The following UROS variants were observed in gnomAD, a reference collection of about 807,000 sequenced individuals.
UROS encodes the protein uroporphyrinogen-III synthase.
A neutral mutation model predicts 33.0 loss-of-function variants in UROS; 18 were observed. That is an observed-to-expected ratio of 0.55 (90% CI 0.38 to 0.81). The LOEUF (loss-of-function observed/expected upper bound fraction) is 0.81, where lower values mean the gene tolerates loss of function less well. Ranked by LOEUF, UROS falls within the 30% of genes least tolerant of loss-of-function variation. The pLI is 0.00. For missense variants in UROS, 293 were observed against 314.9 expected, an observed-to-expected ratio of 0.93 and a Z score of 0.53; for synonymous variants, 114 against 121.1, an observed-to-expected ratio of 0.94 and a Z score of 0.38.
chr10:125,797,362 C>T (rs1321093253), intron 7 of UROS, among the ~76,000 whole-genome samples: 1 of 152,114 alleles, frequency 6.6e-6, no homozygotes, highest in Non-Finnish European at 1.5e-5. Context: ...TACAGATAAC[C>T]ATATTTCACA....
intron 5 of UROS, among the ~76,000 whole-genome samples, chr10:125,811,770 CAA>C (rs1852833282): frequency 6.7e-6 from 1 of 149,512 alleles, no homozygotes; most frequent in South Asian, 2.1e-4. Flanking sequence ...TAAATAGACT[CAA>C]GACTGGAAAA....
intron 6 of UROS, chr10:125,802,620 G>C: frequency 9.4e-7 from 1 of 1,065,250 alleles, no homozygotes; most frequent in Non-Finnish European, 1.1e-6. Context: ...AGCAGCAAAT[G>C]GTGAACACTT....
Position 125,816,513 on chromosome 10 carries a change from T to C in UROS, c.-14A>G. The C allele has an allele frequency of 6.2e-7, 1 of 1,614,156 alleles. No individual in the cohort carries two copies. On this transcript the variant is annotated 5_prime_UTR_variant, in exon 2 of 10. Coordinates refer to ENST00000368797, the MANE Select transcript of UROS (RefSeq NM_000375.3). ...AAGAACCTTCATTATTGCCTGGCAG[T>C]CCTTATAGGGCACTGCGACAGAGCA... is the stretch of plus-strand genomic sequence containing the variant.
chr10:125,790,783 C>CAAAAAAA (rs368264390), intron 9 of UROS, among the ~76,000 whole-genome samples: 1 of 122,580 alleles, frequency 8.2e-6, no homozygotes, highest in Non-Finnish European at 1.7e-5. Flanking sequence ...AACTCCATCT[C>CAAAAAAA]AAAAAAAAAA....
chr10:125,807,579 G>A, intron 5 of UROS, 92 bp from the exon 6 acceptor site: 1 of 963,102 alleles, frequency 1.0e-6, no homozygotes, highest in Non-Finnish European at 1.7e-6. Context: ...ACACAGGTAT[G>A]CAGTTTACAA....
In UROS at chr10:125,816,444, T is replaced by C. The variant is rs1590007244; in HGVS notation, c.56A>G (p.Tyr19Cys). 6.2e-7 allele frequency: 1 copy of C among 1,614,208 alleles called. No individual in the cohort carries two copies. The highest frequency in any genetic ancestry group is 8.5e-7 in the Non-Finnish European group (1 of 1,180,032). The change falls in exon 2 of 10, where the codon TAT becomes TGT. Residue 19 changes from tyrosine (Y) to cysteine (C), a missense_variant. Coordinates refer to ENST00000368797, the MANE Select transcript of UROS (RefSeq NM_000375.3). ...AKEDDCGQDPYIRELGLYGLE... is the reference protein window; with the variant it reads ...AKEDDCGQDPCIRELGLYGLE... ...GAGTCTCAGGCCACTTACCCTGATA[T>C]ACGGATCCTGGCCACAGTCATCTTC...
intron 1 of UROS, among the ~76,000 whole-genome samples, chr10:125,822,594 A>G (rs1854061360): frequency 6.6e-6 from 1 of 152,062 alleles, no homozygotes; most frequent in Non-Finnish European, 1.5e-5. Context: ...AAGTGCTGGG[A>G]TTACAGGTGT....
At chr10:125,800,112 G>A (rs889422670) in intron 6 of UROS, among the ~76,000 whole-genome samples, 5 of 152,042 alleles carry the variant, frequency 3.3e-5, no homozygotes, top group African/African-American at 1.2e-4. Flanking sequence ...CTCAGGAGGG[G>A]GCTTGATAAA....
chr10:125,795,171 G>C (rs538798648), intron 8 of UROS, 193 bp from the exon 9 acceptor site: 1 of 628,694 alleles, frequency 1.6e-6, no homozygotes, highest in East Asian at 2.9e-5. Flanking sequence ...GTTGGAAAGA[G>C]CAGGCTGCCA....
At chr10:125,812,559 G>A (rs1852909667) in intron 4 of UROS, among the ~76,000 whole-genome samples, 1 of 152,100 alleles carries the variant, frequency 6.6e-6, no homozygotes, top group Non-Finnish European at 1.5e-5. Flanking sequence ...ATTTTAATGG[G>A]AACCACGAAA....
At chr10:125,786,947 C>G (rs1589902362), downstream of UROS, among the ~76,000 whole-genome samples, 1 of 152,350 alleles carries the variant, frequency 6.6e-6, no homozygotes, top group Non-Finnish European at 1.5e-5. Context: ...CCAAAGCAAG[C>G]CCAGGCTCCC....
chr10:125,797,954 C>G, intron 7 of UROS, 111 bp downstream of exon 7: 1 of 1,314,028 alleles, frequency 7.6e-7, no homozygotes, highest in Non-Finnish European at 1.1e-6. Flanking sequence ...TTATCCAACC[C>G]AGCCCTGCTC....
chr10:125,789,119 C>A, intron 9 of UROS, 114 bp from the exon 10 acceptor site: 1 of 1,453,730 alleles, frequency 6.9e-7, no homozygotes, highest in South Asian at 1.2e-5. Context: ...CGTTACTGCT[C>A]ATGTGACGTG....
intron 6 of UROS, chr10:125,802,369 AAG>A (rs1771914916): frequency 2.0e-6 from 2 of 985,736 alleles, no homozygotes; most frequent in Middle Eastern, 5.2e-4. Flanking sequence ...GGCTGAATAA[AAG>A]AGAGTCACTG....
chr10:125,789,360 G>A, intron 9 of UROS: 1 of 1,218,056 alleles, frequency 8.2e-7, no homozygotes, highest in Non-Finnish European at 1.0e-6. Flanking sequence ...TGGGGGCCCT[G>A]GGTCTGATCA....
At chr10:125,817,919 A>C (rs911279588) in intron 1 of UROS, among the ~76,000 whole-genome samples, 3 of 152,210 alleles carry the variant, frequency 2.0e-5, no homozygotes, top group Non-Finnish European at 4.4e-5. Flanking sequence ...CAAAGTGCTT[A>C]GTTTAGTTAT....
rs1227152752 is a variant in UROS, at chr10:125,812,291, G to A, written c.245-3C>T. 3.7e-6 allele frequency: 6 copies of A among 1,613,320 alleles called. No individual in the cohort carries two copies. The highest frequency in any genetic ancestry group is 4.5e-5 in the East Asian group (2 of 44,842). On this transcript the variant is annotated splice_polypyrimidine_tract_variant and splice_region_variant and intron_variant, in intron 4 of 9. Coordinates refer to ENST00000368797, the MANE Select transcript of UROS (RefSeq NM_000375.3). ...TTCTTTCAGAGACCTTTCCCAGACT[G>A]TAAAACATGAAATGATATGTGAATT...
intron 3 of UROS, 98 bp downstream of exon 3, chr10:125,816,079 G>A (rs1306694984): frequency 1.6e-6 from 2 of 1,223,668 alleles, no homozygotes; most frequent in Non-Finnish European, 2.4e-6. Context: ...TAAAGTTTGG[G>A]AATAAAATAA....
chr10:125,816,805 A>G (rs1166058785), intron 1 of UROS, among the ~76,000 whole-genome samples: 1 of 152,216 alleles, frequency 6.6e-6, no homozygotes, highest in East Asian at 1.9e-4. Context: ...ATGGTTCCGG[A>G]AAGAGAACTG....
Sources: gnomAD v4.1 joint callset for allele counts (sites outside exome capture counted in the v4.1 genomes callset) on GRCh38, gnomAD v4.1.1 for gene constraint, MANE v1.5 for transcripts, NCBI Gene and HGNC (gene_info 2026-07-23, HGNC 2026-07-21) for gene names.